The following TREML2 variants were observed in gnomAD, a reference collection of about 807,000 sequenced individuals.
TREML2 encodes trem-like transcript 2 protein.
Under a neutral mutation model 25.9 loss-of-function variants are expected in TREML2, and 24 were observed. That is an observed-to-expected ratio of 0.93 (90% CI 0.67 to 1.30). TREML2 has a LOEUF of 1.30. Among genes scored for constraint, TREML2 ranks in the 50% most tolerant of loss-of-function variants. TREML2 has a pLI of 0.00. For missense variants in TREML2, 359 were observed against 395.6 expected (o/e 0.91, Z 0.78); for synonymous variants, 139 against 155.2 (o/e 0.90, Z 0.77).
At chr6:41,193,563 C>T (rs1184174030) in intron 3 of TREML2, among the ~76,000 whole-genome samples, 1 of 152,072 alleles carries the variant, frequency 6.6e-6, no homozygotes, top group Non-Finnish European at 1.5e-5. Flanking sequence ...GAGGCCTTCC[C>T]TGCCCTGTCC....
At chr6:41,198,454 A>C in intron 1 of TREML2, 25 bp from the exon 2 acceptor site, 1 of 1,579,606 alleles carries the variant, frequency 6.3e-7, no homozygotes, top group Non-Finnish European at 8.6e-7. Flanking sequence ...CTTATTGAAT[A>C]AGGTCTGGCA....
chr6:41,201,005 C>T lies in TREML2; in HGVS notation c.4G>A (p.Ala2Thr). Reference sequence around the variant, plus strand: ...AGCAGCAGCAGCAGGAAGGCTGGGGCCATGGTTCCATCCAGCTGGGCAGTG... The same window carrying T: ...AGCAGCAGCAGCAGGAAGGCTGGGGTCATGGTTCCATCCAGCTGGGCAGTG... M[A>T]PAFLLLLLLW... The change falls in exon 1 of 5, where the codon GCC becomes ACC. Residue 2 changes from alanine to threonine, a missense_variant. Coordinates refer to ENST00000483722, the MANE Select transcript of TREML2 (RefSeq NM_024807.4). 1 of 1,606,470 alleles carries T rather than the reference C, an allele frequency of 6.2e-7. No individual in the cohort carries two copies. The highest frequency in any genetic ancestry group is 8.5e-7 in the Non-Finnish European group (1 of 1,175,974).
At chr6:41,192,734 G>A (rs1766090022) in intron 4 of TREML2, 67 bp downstream of exon 4, 1 of 1,446,786 alleles carries the variant, frequency 6.9e-7, no homozygotes, top group Non-Finnish European at 9.6e-7. Flanking sequence ...GGGACTCGAG[G>A]TCATAACCCT....
intron 2 of TREML2, 56 bp from the exon 3 acceptor site, chr6:41,194,889 G>T (rs1299082671): frequency 3.4e-6 from 5 of 1,491,720 alleles, no homozygotes; most frequent in African/African-American, 1.4e-5. Context: ...AGTGCTGGGA[G>T]CAGATCCTGG....
intron 1 of TREML2, among the ~76,000 whole-genome samples, chr6:41,199,309 A>T (rs924453014): frequency 6.6e-6 from 1 of 152,258 alleles, no homozygotes; most frequent in African/African-American, 2.4e-5. Flanking sequence ...TATGATTAAC[A>T]GTTATTTATT....
intron 2 of TREML2, 139 bp downstream of exon 2, chr6:41,197,970 T>C: frequency 1.3e-6 from 1 of 793,620 alleles, no homozygotes; most frequent in Middle Eastern, 3.7e-4. Flanking sequence ...CCACGAATAG[T>C]GCCATAAAGG....
chr6:41,194,502 GC>G lies in TREML2; in HGVS notation c.707del (p.Ser236ThrfsTer40). 1 of 1,613,486 alleles carries G rather than the reference GC, an allele frequency of 6.2e-7. No homozygotes were observed. The highest frequency in any genetic ancestry group is 8.5e-7 in the Non-Finnish European group (1 of 1,179,810). On this transcript the variant is annotated frameshift_variant, in exon 3 of 5. Transcript: ENST00000483722. LOFTEE classifies it high-confidence loss of function. ...AGAGCCCTGTGGTGGGCGATCTGGT[GC>G]TGAGGTCCCCAGACTTAGTGGAGAT... is the stretch of plus-strand genomic sequence containing the variant. ...ESISTKSGDLSTRSPTTGLCL... is the reference protein window; with the variant it reads ...ESISTKSGDLXTRSPTTGLCL...
At chr6:41,195,150 C>T (rs1457389848) in intron 2 of TREML2, among the ~76,000 whole-genome samples, 1 of 152,168 alleles carries the variant, frequency 6.6e-6, no homozygotes. Flanking sequence ...CTCTTCGTTC[C>T]TATGGGCCAA....
Position 41,198,421 on chromosome 6 carries a change from C to T in TREML2, c.64G>A (p.Ala22Thr), listed in dbSNP as rs1401581271. 6.2e-7 allele frequency: 1 copy of T among 1,609,530 alleles called. No individual in the cohort carries two copies. The highest frequency in any genetic ancestry group is 8.5e-7 in the Non-Finnish European group (1 of 1,176,604). Reference sequence around the variant, plus strand: ...CTCACTTTTGTGTATACACTGTCAGCAGAGGGGCCTGTGGAGACAATACTT... The same window carrying T: ...CTCACTTTTGTGTATACACTGTCAGTAGAGGGGCCTGTGGAGACAATACTT... ...WPQGCVSGPS[A>T]DSVYTKVRLL... is the part of the protein sequence containing the mutation. The change falls in exon 2 of 5, where the codon GCT (alanine) becomes ACT (threonine). Residue 22 changes from alanine to threonine, a missense_variant. Transcript: ENST00000483722.
In TREML2 at chr6:41,192,383, G is replaced by C; in HGVS notation, c.*44C>G. Reference sequence around the variant, plus strand: ...ATCTTCACCCCTCCTCTAACCCCCTGGGGCCACTCTGGGAGAAGCTCCCCA... The same window carrying C: ...ATCTTCACCCCTCCTCTAACCCCCTCGGGCCACTCTGGGAGAAGCTCCCCA... On this transcript the variant is annotated 3_prime_UTR_variant, in exon 5 of 5. Transcript: ENST00000483722. The C allele has an allele frequency of 6.5e-7, 1 of 1,530,254 alleles. No homozygotes were observed. The highest frequency in any genetic ancestry group is 1.1e-5 in the South Asian group (1 of 88,404). 94.8% of individuals were successfully genotyped at this position (1,530,254 alleles called of 1,614,324 possible). A position where few individuals can be genotyped will look rare whatever the true frequency, so the allele number is the denominator to read the frequency against.
chr6:41,196,133 G>A (rs1766156786), intron 2 of TREML2, among the ~76,000 whole-genome samples: 1 of 152,234 alleles, frequency 6.6e-6, no homozygotes, highest in African/African-American at 2.4e-5. Flanking sequence ...GTCCTTAAGA[G>A]GTGGAAAGTG....
rs982293562 is a variant in TREML2 at position 41,198,528 on chromosome 6, C to A, written c.56-99G>T. 6.3e-6 allele frequency: 8 copies of A among 1,275,064 alleles called. No individual in the cohort carries two copies. In the Admixed American group the frequency reaches 9.0e-5, roughly 14 times the overall value. 79.0% of individuals were successfully genotyped at this position (1,275,064 alleles called of 1,614,324 possible). Reference sequence around the variant, plus strand: ...TGGTGAAGGGTAGAGTGGATATTGTCCTGCTGTCACAGAACCCACAGATTG... The same window carrying A: ...TGGTGAAGGGTAGAGTGGATATTGTACTGCTGTCACAGAACCCACAGATTG... On this transcript the variant is annotated intron_variant, in intron 1 of 4. Coordinates refer to ENST00000483722, the MANE Select transcript of TREML2 (RefSeq NM_024807.4).
In TREML2 at chr6:41,193,385, A is replaced by G. The variant is rs558005313; in HGVS notation, c.786-484T>C. Among the ~76,000 whole-genome samples the G allele has an allele frequency of 6.6e-5, 10 of 152,208 alleles. No individual in the cohort carries two copies. The South Asian group carries it at 2.1e-3, about 32-fold the overall frequency. On this transcript the variant is annotated intron_variant, in intron 3 of 4. Transcript: ENST00000483722. ...CTTTCTCTTGTCACTAGAGCCCTCT[A>G]TGCCACACACAGCAGGCAGCCCTCT...
chr6:41,192,678 G>C lies in TREML2; in HGVS notation c.886+123C>G, dbSNP rs6924115. On this transcript the variant is annotated intron_variant, in intron 4 of 4. Transcript: ENST00000483722. Reference sequence around the variant, plus strand: ...GCCGCCCTCCTCCCCAGGTGGAAGCGTCATAGTCCTTTTGACTGGACACAG... The same window carrying C: ...GCCGCCCTCCTCCCCAGGTGGAAGCCTCATAGTCCTTTTGACTGGACACAG... The C allele has an allele frequency of 4.4e-3, 4,996 of 1,148,220 alleles. 147 individuals are homozygous for C. The African/African-American group carries it at 0.067, about 15-fold the overall frequency. 71.1% of individuals were successfully genotyped at this position (1,148,220 alleles called of 1,614,324 possible). A position where few individuals can be genotyped will look rare whatever the true frequency, so the allele number is the denominator to read the frequency against.
Position 41,192,236 on chromosome 6 carries a change from G to A in TREML2, c.*191C>T. ...GCTCTGGGCCCCTCCCCAGGTTCCT[G>A]CCCCCAAGGAGAACACTGGGCTGTG... On this transcript the variant is annotated 3_prime_UTR_variant, in exon 5 of 5. Coordinates refer to ENST00000483722, the MANE Select transcript of TREML2 (RefSeq NM_024807.4). The A allele has an allele frequency of 1.7e-6, 1 of 594,082 alleles. No homozygotes were observed. Among genetic ancestry groups the A allele is most frequent in the Non-Finnish European group, 3.0e-6 (1 of 330,638 alleles). The allele number at this position is 594,082 out of a possible 1,614,324, so 36.8% of individuals were successfully genotyped here.
intron 1 of TREML2, among the ~76,000 whole-genome samples, chr6:41,200,560 A>T (rs551464399): frequency 1.1e-4 from 16 of 152,372 alleles, no homozygotes; most frequent in Admixed American, 9.8e-4. Context: ...ATGTGGCATC[A>T]GCATTTCAAG....
rs1465805203 is a variant in TREML2, at chr6:41,190,090, C to A, written c.*2337G>T. ...GCTGTGGGCATGTCTTAGGCAAGCCCCCCTGTGCAAGTTCCCATATCTGTG... is the reference window on the plus strand; with the variant it reads ...GCTGTGGGCATGTCTTAGGCAAGCCACCCTGTGCAAGTTCCCATATCTGTG... On this transcript the variant is annotated 3_prime_UTR_variant, in exon 5 of 5. Coordinates refer to ENST00000483722, the MANE Select transcript of TREML2 (RefSeq NM_024807.4). Among the ~76,000 whole-genome samples the A allele has an allele frequency of 6.6e-6, 1 of 152,058 alleles. No individual in the cohort carries two copies. The highest frequency in any genetic ancestry group is 1.5e-5 in the Non-Finnish European group (1 of 68,010).
Position 41,190,048 on chromosome 6 carries a change from T to A in TREML2, c.*2379A>T, listed in dbSNP as rs899678000. On this transcript the variant is annotated 3_prime_UTR_variant, in exon 5 of 5. Coordinates refer to ENST00000483722, the MANE Select transcript of TREML2 (RefSeq NM_024807.4). The stretch of plus-strand genomic sequence containing the variant: ...ATGTTTGGGCAAGTCACCTGTGTAG[T>A]CTGTCTTATCTATGAGGCTGTGGGC... Among the ~76,000 whole-genome samples, 1 of 152,086 alleles carries A rather than the reference T, an allele frequency of 6.6e-6. No individual in the cohort carries two copies. The highest frequency in any genetic ancestry group is 2.1e-4 in the South Asian group (1 of 4,814).
At chr6:41,200,902 C>G (rs1766260748) in intron 1 of TREML2, 52 bp downstream of exon 1, 2 of 1,449,254 alleles carry the variant, frequency 1.4e-6, no homozygotes, top group African/African-American at 2.9e-5. Flanking sequence ...GCCCTGAGCT[C>G]CTGCCTCTGT....
Sources: gnomAD v4.1 joint callset for allele counts (sites outside exome capture counted in the v4.1 genomes callset) on GRCh38, gnomAD v4.1.1 for gene constraint, MANE v1.5 for transcripts, NCBI Gene and HGNC (gene_info 2026-07-23, HGNC 2026-07-21) for gene names.